Variants in CDYL2 observed in about 807,000 individuals in gnomAD.
CDYL2 encodes chromodomain Y-like protein 2.
CDYL2 carries 23 observed loss-of-function variants against 49.4 expected under a neutral mutation model. The observed-to-expected ratio is 0.47, with a 90% CI of 0.34 to 0.66. The LOEUF (loss-of-function observed/expected upper bound fraction) is 0.66. Among genes scored for constraint, CDYL2 ranks in the 30% least tolerant of loss-of-function variants. The probability of loss-of-function intolerance (pLI) is 0.01; values close to 1 mark genes in which losing one functional copy is unlikely to be tolerated. For synonymous variants in CDYL2, 360 were observed against 268.8 expected, an observed-to-expected ratio of 1.34 and a Z score of -3.32; for missense variants, 678 against 656.4, an observed-to-expected ratio of 1.03 and a Z score of -0.36.
chr16:80,803,007 G>A (rs1457478130), intron 1 of CDYL2, among the ~76,000 whole-genome samples: 1 of 152,186 alleles, frequency 6.6e-6, no homozygotes, highest in Non-Finnish European at 1.5e-5. Context: ...TAACCCATGC[G>A]GCTGGTTTCA....
At chr16:80,677,745 AT>A (rs201474100) in intron 2 of CDYL2, among the ~76,000 whole-genome samples, 4,163 of 144,604 alleles carry the variant, frequency 0.029, 92 homozygotes, top group African/African-American at 0.059. Flanking sequence ...TCTCAAAAAA[AT>A]AAAAATAAAA....
chr16:80,718,820 T>G (rs1200716082), intron 1 of CDYL2, among the ~76,000 whole-genome samples: 1 of 152,016 alleles, frequency 6.6e-6, no homozygotes, highest in East Asian at 1.9e-4. Context: ...AGAATCCCAG[T>G]CCCTAAAAGA....
chr16:80,736,013 G>C (rs542328749), intron 1 of CDYL2, among the ~76,000 whole-genome samples: 1 of 152,298 alleles, frequency 6.6e-6, no homozygotes, highest in African/African-American at 2.4e-5. Context: ...CCATCCGCTG[G>C]ACTAAGGGTC....
chr16:80,653,198 G>A (rs1300072121), intron 2 of CDYL2, among the ~76,000 whole-genome samples: 1 of 152,236 alleles, frequency 6.6e-6, no homozygotes, highest in African/African-American at 2.4e-5. Context: ...GGGCGCGATG[G>A]CTCACGCCTG....
chr16:80,652,132 T>C (rs560468385), intron 2 of CDYL2, among the ~76,000 whole-genome samples: 11 of 152,228 alleles, frequency 7.2e-5, no homozygotes, highest in African/African-American at 2.6e-4. Context: ...GACATCCCAA[T>C]AGCAAAGAAC....
intron 2 of CDYL2, among the ~76,000 whole-genome samples, chr16:80,669,156 A>G (rs1001959632): frequency 6.6e-6 from 1 of 151,950 alleles, no homozygotes; most frequent in African/African-American, 2.4e-5. Flanking sequence ...TATTAACACA[A>G]GCAAAAGTAA....
intron 2 of CDYL2, among the ~76,000 whole-genome samples, chr16:80,684,029 G>A (rs1280350657): frequency 6.6e-6 from 1 of 152,212 alleles, no homozygotes; most frequent in Admixed American, 6.5e-5. Context: ...TCCAGCACAG[G>A]CACTGGCGTG....
intron 5 of CDYL2, among the ~76,000 whole-genome samples, chr16:80,609,353 C>T (rs768492686): frequency 2.0e-5 from 3 of 152,198 alleles, no homozygotes; most frequent in Non-Finnish European, 4.4e-5. Context: ...CTCGGGTTGA[C>T]GCTGAAATGC....
intron 2 of CDYL2, among the ~76,000 whole-genome samples, chr16:80,644,319 T>C (rs1381118549): frequency 1.3e-5 from 2 of 152,220 alleles, no homozygotes; most frequent in East Asian, 3.8e-4. Context: ...GTCAAAGACA[T>C]TCAACAACTC....
chr16:80,733,582 G>A (rs1860044242), intron 1 of CDYL2, among the ~76,000 whole-genome samples: 2 of 152,282 alleles, frequency 1.3e-5, no homozygotes, highest in African/African-American at 4.8e-5. Context: ...CCAAGATGGA[G>A]AAATGCCTGA....
chr16:80,757,842 T>C (rs1447720934), intron 1 of CDYL2, among the ~76,000 whole-genome samples: 1 of 152,050 alleles, frequency 6.6e-6, no homozygotes, highest in Non-Finnish European at 1.5e-5. Flanking sequence ...TGGCCTATTA[T>C]AAATGAGTCT....
At chr16:80,742,625 AATGG>A (rs1208039921) in intron 1 of CDYL2, among the ~76,000 whole-genome samples, 5 of 144,858 alleles carry the variant, frequency 3.5e-5, no homozygotes, top group Non-Finnish European at 7.6e-5. Flanking sequence ...TGAATGGATG[AATGG>A]ATGGATGGAT....
chr16:80,626,793 T>C (rs191183993), intron 3 of CDYL2, among the ~76,000 whole-genome samples: 158 of 152,324 alleles, frequency 1.0e-3, no homozygotes, highest in Non-Finnish European at 1.8e-3. Context: ...TTTTTAAGGT[T>C]AAAGTTTTAA....
chr16:80,640,352 A>C (rs1908028688), intron 2 of CDYL2, among the ~76,000 whole-genome samples: 1 of 152,286 alleles, frequency 6.6e-6, no homozygotes, highest in Non-Finnish European at 1.5e-5. Context: ...TGCTGCCTTC[A>C]AGGGAAGGAT....
Position 80,612,664 on chromosome 16 carries a change from A to T in CDYL2, c.1180T>A (p.Ser394Thr). ...AGGATCTGGGGGAAGGTGTAGGAGG[A>T]GCAGCCAGCAGGCGTGAGGCGGATG... ...ATIRLTPAGC[S>T]SYTFPQILGV... The change falls in exon 5 of 7, where the codon TCC becomes ACC. Residue 394 changes from serine (S) to threonine (T), a missense_variant. Transcript: ENST00000570137. The surrounding 1 kb of genome is among the most constrained non-coding windows in gnomAD (Gnocchi z 5.0). The T allele has an allele frequency of 6.2e-7, 1 of 1,612,680 alleles. No homozygotes were observed. The highest frequency in any genetic ancestry group is 8.5e-7 in the Non-Finnish European group (1 of 1,179,740).
chr16:80,746,420 A>G lies in CDYL2; in HGVS notation c.24+57730T>C, dbSNP rs567023131. Among the ~76,000 whole-genome samples the G allele has an allele frequency of 3.3e-5, 5 of 152,344 alleles. No homozygotes were observed. The East Asian group carries it at 7.7e-4, about 24-fold the overall frequency. On this transcript the variant is annotated intron_variant, in intron 1 of 6. Coordinates refer to ENST00000570137, the MANE Select transcript of CDYL2 (RefSeq NM_152342.4). ...TGTTCCATTTGGCACCGACTCCAGT[A>G]GTGACCTCTTGTTCTCTTCTTACAG...
rs141476818 is a variant in CDYL2, at chr16:80,723,992, A to C, written c.25-38863T>G. Among the ~76,000 whole-genome samples, 704 of 150,584 alleles carry C rather than the reference A, an allele frequency of 4.7e-3. 4 individuals are homozygous for C. The highest frequency in any genetic ancestry group is 0.017 in the African/African-American group (677 of 40,818). On this transcript the variant is annotated intron_variant, in intron 1 of 6. Coordinates refer to ENST00000570137, the MANE Select transcript of CDYL2 (RefSeq NM_152342.4). ...GAGGGAGAGAGAGGAAGAAGCAAGG[A>C]GAGAAAGAGGAAGAAGCAAGAAGAG...
At chr16:80,637,417 A>G (rs944325949) in intron 2 of CDYL2, among the ~76,000 whole-genome samples, 1 of 152,216 alleles carries the variant, frequency 6.6e-6, no homozygotes, top group African/African-American at 2.4e-5. Flanking sequence ...AACATTTTTA[A>G]GGGAAATAAA....
chr16:80,682,914 G>T (rs6564779), intron 2 of CDYL2, among the ~76,000 whole-genome samples: 3 of 152,022 alleles, frequency 2.0e-5, no homozygotes, highest in African/African-American at 7.2e-5. Flanking sequence ...AGACGGAAAC[G>T]TGAGTCAGTC....
Sources: gnomAD v4.1 joint callset for allele counts (sites outside exome capture counted in the v4.1 genomes callset) on GRCh38, gnomAD v4.1.1 for gene constraint, Gnocchi (gnomAD v3.1) non-coding constraint, MANE v1.5 for transcripts, NCBI Gene and HGNC (gene_info 2026-07-23, HGNC 2026-07-21) for gene names.